FA2H: variants seen among roughly 807,000 people sequenced by gnomAD.
FA2H encodes fatty acid 2-hydroxylase.
A neutral mutation model predicts 44.9 loss-of-function variants in FA2H; 22 were observed. The ratio of observed to expected loss-of-function variants is 0.49; its 90% CI spans 0.35 to 0.70. The LOEUF (loss-of-function observed/expected upper bound fraction) is 0.70. Ranked by LOEUF, FA2H falls within the 30% of genes least tolerant of loss-of-function variation. The probability of loss-of-function intolerance (pLI) is 0.01; values close to 1 mark genes in which losing one functional copy is unlikely to be tolerated. For missense variants in FA2H, 501 were observed against 504.9 expected (o/e 0.99, Z 0.07); for synonymous variants, 243 against 213.2 (o/e 1.14, Z -1.22).
chr16:74,722,116 C>T (rs1387430798), intron 4 of FA2H, among the ~76,000 whole-genome samples: 1 of 150,746 alleles, frequency 6.6e-6, no homozygotes, highest in Non-Finnish European at 1.5e-5. Context: ...CTCCCACCCT[C>T]CCTCCCAAGG....
At chr16:74,719,929 C>T (rs928287166) in intron 4 of FA2H, among the ~76,000 whole-genome samples, 1 of 151,790 alleles carries the variant, frequency 6.6e-6, no homozygotes, top group Non-Finnish European at 1.5e-5. Context: ...AAACAAGCAC[C>T]GAGATCTCAA....
In FA2H at chr16:74,720,583, C is replaced by T. The variant is rs116443515; in HGVS notation, c.614-1423G>A. Among the ~76,000 whole-genome samples, 273 of 152,244 alleles carry T rather than the reference C, an allele frequency of 1.8e-3. 1 individual carries two copies. The highest frequency in any genetic ancestry group is 5.9e-3 in the African/African-American group (244 of 41,530). On this transcript the variant is annotated intron_variant, in intron 4 of 6. Coordinates refer to ENST00000219368, the MANE Select transcript of FA2H (RefSeq NM_024306.5). ...CTCTTCTTAACGGCTTTATCTAAATCTAATTCACATCCATATAATTCATCC... is the reference window on the plus strand; with the variant it reads ...CTCTTCTTAACGGCTTTATCTAAATTTAATTCACATCCATATAATTCATCC...
intron 1 of FA2H, among the ~76,000 whole-genome samples, chr16:74,753,943 A>AT (rs1030146182): frequency 1.3e-4 from 20 of 152,168 alleles, no homozygotes; most frequent in Non-Finnish European, 2.4e-4. Context: ...TTACACACGG[A>AT]TTTTTTTCAC....
At chr16:74,714,867 G>A (rs1330522747) in intron 6 of FA2H, among the ~76,000 whole-genome samples, 5 of 140,740 alleles carry the variant, frequency 3.6e-5, no homozygotes, top group South Asian at 2.2e-4. Context: ...ATGGAGTTTC[G>A]TTCTTGTTGC....
At chr16:74,730,807 A>T (rs755323189) in intron 2 of FA2H, among the ~76,000 whole-genome samples, 1 of 152,166 alleles carries the variant, frequency 6.6e-6, no homozygotes, top group Non-Finnish European at 1.5e-5. Flanking sequence ...CAGTCACTTG[A>T]TCCTCGCCAT....
intron 2 of FA2H, among the ~76,000 whole-genome samples, chr16:74,734,457 G>T (rs150831121): frequency 1.3e-5 from 2 of 152,370 alleles, no homozygotes; most frequent in African/African-American, 2.4e-5. Context: ...GCAGATGCAA[G>T]GGGGAGTGGA....
intron 2 of FA2H, among the ~76,000 whole-genome samples, chr16:74,734,078 G>A (rs112403473): frequency 1.3e-5 from 2 of 152,294 alleles, no homozygotes; most frequent in East Asian, 1.9e-4. Flanking sequence ...CTTCCAGCTC[G>A]TTCCTGGTCC....
intron 1 of FA2H, among the ~76,000 whole-genome samples, chr16:74,774,116 T>C (rs1490846691): frequency 2.0e-5 from 3 of 151,680 alleles, no homozygotes; most frequent in Admixed American, 1.3e-4. Context: ...GAGAGGCCGA[T>C]AAGTGAAGAG....
In FA2H at chr16:74,714,319, G is replaced by A. The variant is rs754598366; in HGVS notation, c.1040-50C>T. 2.5e-5 allele frequency: 31 copies of A among 1,230,484 alleles called. 1 individual carries two copies. The highest frequency in any genetic ancestry group is 1.0e-4 in the East Asian group (4 of 39,514). 76.2% of individuals were successfully genotyped at this position (1,230,484 alleles called of 1,614,324 possible). A position where few individuals can be genotyped will look rare whatever the true frequency, so the allele number is the denominator to read the frequency against. Reference sequence around the variant, plus strand: ...AAGATGAGGCATTGAAGGAGCAGGCGTGCGCTGGCTTGGGAAGGGTGCCAG... The same window carrying A: ...AAGATGAGGCATTGAAGGAGCAGGCATGCGCTGGCTTGGGAAGGGTGCCAG... On this transcript the variant is annotated intron_variant, in intron 6 of 6. Coordinates refer to ENST00000219368, the MANE Select transcript of FA2H (RefSeq NM_024306.5).
intron 4 of FA2H, among the ~76,000 whole-genome samples, chr16:74,725,597 T>A (rs922171470): frequency 6.6e-6 from 1 of 152,180 alleles, no homozygotes; most frequent in Non-Finnish European, 1.5e-5. Context: ...TGAGGCTCCA[T>A]TTCCTCAGCT....
intron 2 of FA2H, among the ~76,000 whole-genome samples, chr16:74,738,314 C>T (rs752353572): frequency 6.6e-6 from 1 of 152,128 alleles, no homozygotes; most frequent in Non-Finnish European, 1.5e-5. Context: ...AGGGGCCCCT[C>T]GTCCCCTTGG....
intron 1 of FA2H, among the ~76,000 whole-genome samples, chr16:74,744,246 C>T (rs1962371211): frequency 6.6e-6 from 1 of 152,046 alleles, no homozygotes; most frequent in South Asian, 2.1e-4. Context: ...GAGGTCATTC[C>T]TGGGAACTAG....
rs1491185782 is a variant in FA2H, at chr16:74,741,808, A to ATATATATATATG, written c.271-1694_271-1693insCATATATATATA. On this transcript the variant is annotated intron_variant, in intron 1 of 6. Transcript: ENST00000219368. ...TATATATATATATATATATATATAT[A>ATATATATATATG]TGTGTGTGTGTGTGTGTGTGTGTGT... Among the ~76,000 whole-genome samples, 158 of 48,290 alleles carry ATATATATATATG rather than the reference A, an allele frequency of 3.3e-3. 1 individual carries two copies. Among genetic ancestry groups the ATATATATATATG allele is most frequent in the African/African-American group, 6.7e-3 (62 of 9,210 alleles). The allele number at this position is 48,290 out of a possible 152,430, so 31.7% of individuals were successfully genotyped here.
intron 2 of FA2H, among the ~76,000 whole-genome samples, chr16:74,738,539 A>G (rs970341008): frequency 2.0e-5 from 3 of 152,166 alleles, no homozygotes; most frequent in African/African-American, 4.8e-5. Flanking sequence ...TTCATGTCAC[A>G]TCACCCTGAT....
intron 6 of FA2H, 85 bp from the exon 7 acceptor site, chr16:74,714,354 A>G (rs963796686): frequency 2.3e-6 from 2 of 852,682 alleles, no homozygotes; most frequent in African/African-American, 3.4e-5. Context: ...GGGTAGGGAT[A>G]AGAGGTGGAG....
chr16:74,744,805 C>T (rs1962385282), intron 1 of FA2H, among the ~76,000 whole-genome samples: 1 of 152,104 alleles, frequency 6.6e-6, no homozygotes, highest in Admixed American at 6.5e-5. Context: ...AGGCTGGTCT[C>T]AAACTCCTAA....
chr16:74,741,834 GTGTATGT>G (rs1962314766), intron 1 of FA2H, among the ~76,000 whole-genome samples: 1 of 74,654 alleles, frequency 1.3e-5, no homozygotes, highest in African/African-American at 4.5e-5. Context: ...GTGTGTGTGT[GTGTATGT>G]GTGTGTATGT....
chr16:74,721,875 C>T (rs139809309), intron 4 of FA2H, among the ~76,000 whole-genome samples: 148 of 152,318 alleles, frequency 9.7e-4, no homozygotes, highest in Non-Finnish European at 1.6e-3. Context: ...AGGTGTGCAC[C>T]GGCACGCGGG....
At chr16:74,753,736 C>T (rs2144651042) in intron 1 of FA2H, among the ~76,000 whole-genome samples, 1 of 152,248 alleles carries the variant, frequency 6.6e-6, no homozygotes, top group Admixed American at 6.5e-5. Context: ...CCAATTTCCC[C>T]ATCTCCATTT....
Sources: gnomAD v4.1 joint callset for allele counts (sites outside exome capture counted in the v4.1 genomes callset) on GRCh38, gnomAD v4.1.1 for gene constraint, MANE v1.5 for transcripts, NCBI Gene and HGNC (gene_info 2026-07-23, HGNC 2026-07-21) for gene names.